Variants in NAV2 observed in about 807,000 individuals in gnomAD.
The protein encoded by NAV2 is neuron navigator 2.
A neutral mutation model predicts 223.2 loss-of-function variants in NAV2; 54 were observed. The ratio of observed to expected loss-of-function variants is 0.24; its 90% CI spans 0.19 to 0.30. NAV2 has a LOEUF of 0.30. Among genes scored for constraint, NAV2 ranks in the 10% least tolerant of loss-of-function variants. The probability of loss-of-function intolerance (pLI) is 1.00; values close to 1 mark genes in which losing one functional copy is unlikely to be tolerated. For synonymous variants in NAV2, 1,279 were observed against 1,239.3 expected, an observed-to-expected ratio of 1.03 and a Z score of -0.67; for missense variants, 2,806 against 3,147.5, an observed-to-expected ratio of 0.89 and a Z score of 2.60.
At chr11:19,549,404 C>A (rs2044616602) in intron 1 of NAV2, among the ~76,000 whole-genome samples, 1 of 152,128 alleles carries the variant, frequency 6.6e-6, no homozygotes, top group African/African-American at 2.4e-5. Context: ...TCAGAGTGCC[C>A]CTCCCCCACC....
chr11:20,027,273 A>C (rs2055185522), intron 11 of NAV2: 2 of 985,278 alleles, frequency 2.0e-6, no homozygotes, highest in South Asian at 4.7e-5. Context: ...TTGCTCACTC[A>C]TCCACACCAA....
At chr11:19,904,556 C>T (rs746038115) in intron 6 of NAV2, among the ~76,000 whole-genome samples, 5 of 152,184 alleles carry the variant, frequency 3.3e-5, no homozygotes, top group Non-Finnish European at 7.3e-5. Context: ...CATTCTCCCA[C>T]ACAATGGTTG....
chr11:19,394,628 G>A (rs1293429254), intron 1 of NAV2, among the ~76,000 whole-genome samples: 3 of 152,210 alleles, frequency 2.0e-5, no homozygotes, highest in Non-Finnish European at 4.4e-5. Context: ...GACATGTCTA[G>A]TGGGGAAGGA....
At chr11:19,716,304 C>T (rs2050307363) in intron 1 of NAV2, among the ~76,000 whole-genome samples, 1 of 152,102 alleles carries the variant, frequency 6.6e-6, no homozygotes, top group African/African-American at 2.4e-5. Flanking sequence ...TGTCTTGCGT[C>T]TGTCATATAC....
intron 3 of NAV2, among the ~76,000 whole-genome samples, chr11:19,859,622 C>G (rs1265905780): frequency 4.6e-5 from 7 of 151,994 alleles, no homozygotes; most frequent in Non-Finnish European, 1.0e-4. Flanking sequence ...AAACCGCCAT[C>G]GTCATCATGG....
At position 19,713,919 on chromosome 11, in the gene NAV2, C is replaced by A; in HGVS notation, c.224C>A (p.Pro75Gln). 1 of 1,613,532 alleles carries A rather than the reference C, an allele frequency of 6.2e-7. No homozygotes were observed. The highest frequency in any genetic ancestry group is 1.1e-5 in the South Asian group (1 of 91,070). Residue 75 changes from proline to glutamine, a missense_variant, in exon 1 of 38, where the codon CCG becomes CAG. This residue lies in a region of NAV2 where 1,167 missense variants were observed against 1,180.5 expected (regional missense o/e 0.99). Transcript: ENST00000349880. The surrounding 1 kb of genome is among the most constrained non-coding windows in gnomAD (Gnocchi z 7.2). ...GLQEPAGEGL[P>Q]LRKSGSVENG... ...CAGGAGCCAGCGGGGGAGGGGCTCC[C>A]GCTGCGGAAGAGCGGCTCGGTGGAA...
intron 1 of NAV2, among the ~76,000 whole-genome samples, chr11:19,722,869 C>T (rs1295686349): frequency 6.6e-6 from 1 of 152,222 alleles, no homozygotes; most frequent in Non-Finnish European, 1.5e-5. Flanking sequence ...AGCATCAAAG[C>T]TCTCCAACAC....
intron 1 of NAV2, among the ~76,000 whole-genome samples, chr11:19,466,224 G>A (rs717015): frequency 0.33 from 50,685 of 152,040 alleles, 8,574 homozygotes; most frequent in African/African-American, 0.39. Context: ...GGAATGGGTT[G>A]GATATTTCAT....
intron 1 of NAV2, among the ~76,000 whole-genome samples, chr11:19,470,179 C>T (rs1013194146): frequency 6.6e-6 from 1 of 152,170 alleles, no homozygotes; most frequent in South Asian, 2.1e-4. Context: ...TAGACCATTC[C>T]CTAGACAGAC....
chr11:19,776,254 A>G (rs1280987071), intron 1 of NAV2, among the ~76,000 whole-genome samples: 1 of 152,114 alleles, frequency 6.6e-6, no homozygotes, highest in Non-Finnish European at 1.5e-5. Context: ...AGGATACCGA[A>G]AGTTGCTGGG....
At chr11:19,600,067 G>T (rs1590648057) in intron 1 of NAV2, among the ~76,000 whole-genome samples, 1 of 152,182 alleles carries the variant, frequency 6.6e-6, no homozygotes. Context: ...CGAGGAGAAA[G>T]CCAATAAAAG....
At chr11:20,088,311 G>A (rs1385823337) in intron 26 of NAV2, among the ~76,000 whole-genome samples, 2 of 152,072 alleles carry the variant, frequency 1.3e-5, no homozygotes, top group Non-Finnish European at 2.9e-5. Flanking sequence ...CTGAGTAGCC[G>A]GGATTACAAG....
At chr11:19,900,290 T>A (rs772061882) in intron 6 of NAV2, among the ~76,000 whole-genome samples, 62,440 of 151,618 alleles carry the variant, frequency 0.41, 15,351 homozygotes, top group Non-Finnish European at 0.54. Flanking sequence ...AGAAGTTGTA[T>A]CAAAGTCTCG....
chr11:19,633,640 C>G (rs1477214280), intron 1 of NAV2, among the ~76,000 whole-genome samples: 1 of 152,272 alleles, frequency 6.6e-6, no homozygotes, highest in Admixed American at 6.5e-5. Flanking sequence ...CCTTCACTCT[C>G]CCCATGTTCA....
intron 1 of NAV2, among the ~76,000 whole-genome samples, chr11:19,823,365 G>T (rs748248322): frequency 3.0e-4 from 46 of 152,130 alleles, no homozygotes; most frequent in Non-Finnish European, 6.0e-4. Flanking sequence ...CTACCACCAT[G>T]CCTGGCTAAT....
intron 3 of NAV2, among the ~76,000 whole-genome samples, chr11:19,860,536 C>T (rs1294402510): frequency 2.0e-5 from 3 of 151,106 alleles, no homozygotes; most frequent in Non-Finnish European, 4.4e-5. Flanking sequence ...AGACGCTCCT[C>T]ACTTTCCAGA....
At chr11:19,422,964 A>G (rs11824003) in intron 1 of NAV2, among the ~76,000 whole-genome samples, 5,138 of 152,268 alleles carry the variant, frequency 0.034, 317 homozygotes, top group African/African-American at 0.12. Flanking sequence ...TGTAAATCTA[A>G]AAGAGTCAAA....
At chr11:19,383,300 C>A (rs551539310) in intron 1 of NAV2, among the ~76,000 whole-genome samples, 1 of 152,338 alleles carries the variant, frequency 6.6e-6, no homozygotes, top group East Asian at 1.9e-4. Flanking sequence ...CAAATAACCT[C>A]ATGATACCAG....
At chr11:19,804,982 T>C (rs535874789) in intron 1 of NAV2, among the ~76,000 whole-genome samples, 1 of 151,924 alleles carries the variant, frequency 6.6e-6, no homozygotes, top group East Asian at 1.9e-4. Flanking sequence ...TGGGCTGAAG[T>C]GAAAGGGAGG....
Sources: gnomAD v4.1 joint callset for allele counts (sites outside exome capture counted in the v4.1 genomes callset) on GRCh38, gnomAD v4.1.1 for gene constraint, gnomAD v4.1.1 regional missense constraint, Gnocchi (gnomAD v3.1) non-coding constraint, MANE v1.5 for transcripts, NCBI Gene and HGNC (gene_info 2026-07-23, HGNC 2026-07-21) for gene names.